PREP: variants seen among roughly 807,000 people sequenced by gnomAD.
PREP encodes dJ355L5.1 (prolyl endopeptidase).
Under a neutral mutation model 87.6 loss-of-function variants are expected in PREP, and 29 were observed. The observed-to-expected ratio is 0.33, with a 90% CI of 0.25 to 0.45. PREP has a LOEUF of 0.45. PREP is among the 20% of genes least tolerant of loss of function. PREP has a pLI of 1.00. For synonymous variants in PREP, 337 were observed against 328.6 expected (o/e 1.03, Z -0.28); for missense variants, 695 against 886.5 (o/e 0.78, Z 2.74).
At chr6:105,334,159 T>C (rs756724165) in intron 7 of PREP, among the ~76,000 whole-genome samples, 28 of 152,234 alleles carry the variant, frequency 1.8e-4, no homozygotes, top group Non-Finnish European at 3.2e-4. Flanking sequence ...AGTATCTCAA[T>C]CTTTTAAAGT....
rs377509069 is a variant in PREP at position 105,397,586 on chromosome 6, T to C, written c.120+267A>G. On this transcript the variant is annotated intron_variant, in intron 2 of 14. Transcript: ENST00000652536. Reference sequence around the variant, plus strand: ...TGGCAAAAATCAGTTTTCTTTCTGATATTTTCATTTAAAATAGCTCATCAG... The same window carrying C: ...TGGCAAAAATCAGTTTTCTTTCTGACATTTTCATTTAAAATAGCTCATCAG... Among the ~76,000 whole-genome samples, 26 of 152,340 alleles carry C rather than the reference T, an allele frequency of 1.7e-4. No homozygotes were observed. The East Asian group carries it at 3.7e-3, about 21-fold the overall frequency.
chr6:105,402,843 T>C lies in PREP; in HGVS notation c.45+4A>G. On this transcript the variant is annotated splice_donor_region_variant and intron_variant, in intron 1 of 14. Transcript: ENST00000652536. The stretch of plus-strand genomic sequence containing the variant: ...GCCCTCTGGGCGGAGGCAGAGATAC[T>C]TACGGCGGTCTCGTCGCGGTACACG... 6.5e-7 allele frequency: 1 copy of C among 1,543,328 alleles called. No individual in the cohort carries two copies. Among genetic ancestry groups the C allele is most frequent in the East Asian group, 2.4e-5 (1 of 41,502 alleles).
chr6:105,280,218 G>A (rs974151523), intron 14 of PREP, among the ~76,000 whole-genome samples: 2 of 152,156 alleles, frequency 1.3e-5, no homozygotes, highest in Non-Finnish European at 2.9e-5. Flanking sequence ...ACTGAGAACT[G>A]CTTGTACCCA....
chr6:105,311,169 C>T (rs1261859881), intron 10 of PREP, among the ~76,000 whole-genome samples: 2 of 152,230 alleles, frequency 1.3e-5, no homozygotes, highest in African/African-American at 4.8e-5. Flanking sequence ...TCTGCTCTCT[C>T]TGCTTCCTTA....
At chr6:105,402,191 T>C (rs776044862) in intron 1 of PREP, among the ~76,000 whole-genome samples, 3 of 152,098 alleles carry the variant, frequency 2.0e-5, no homozygotes, top group African/African-American at 7.2e-5. Context: ...CTCAACTCCT[T>C]TTCTTGTTTA....
chr6:105,306,724 C>T (rs971743870), intron 10 of PREP, among the ~76,000 whole-genome samples: 1 of 152,072 alleles, frequency 6.6e-6, no homozygotes, highest in South Asian at 2.1e-4. Flanking sequence ...TTCGGCTGTG[C>T]CCATGGGCTC....
intron 6 of PREP, among the ~76,000 whole-genome samples, chr6:105,354,173 C>T (rs1450378640): frequency 6.6e-6 from 1 of 151,992 alleles, no homozygotes; most frequent in Non-Finnish European, 1.5e-5. Flanking sequence ...AGAAATATAC[C>T]ACCATTAGTT....
At position 105,394,994 on chromosome 6, in the gene PREP, T is replaced by C. The variant is rs545559111; in HGVS notation, c.120+2859A>G. ...AATAGTGAAAAGTTGAAAACAATCA[T>C]TTCCAACAGAAGTCATTAGGCATAA... is the stretch of plus-strand genomic sequence containing the variant. On this transcript the variant is annotated intron_variant, in intron 2 of 14. Transcript: ENST00000652536. Among the ~76,000 whole-genome samples the C allele has an allele frequency of 1.3e-4, 20 of 152,278 alleles. No individual in the cohort carries two copies. In the South Asian group the frequency reaches 4.1e-3, roughly 32 times the overall value.
At chr6:105,340,769 A>G (rs1371505033) in intron 7 of PREP, among the ~76,000 whole-genome samples, 1 of 152,230 alleles carries the variant, frequency 6.6e-6, no homozygotes, top group East Asian at 1.9e-4. Flanking sequence ...ACTTTAAACC[A>G]ACAAAGATCA....
intron 5 of PREP, among the ~76,000 whole-genome samples, chr6:105,372,096 T>C (rs918285428): frequency 2.1e-4 from 32 of 152,212 alleles, no homozygotes; most frequent in African/African-American, 7.2e-4. Flanking sequence ...TTGTAATTCA[T>C]TGGCGAATTT....
At chr6:105,376,653 A>G (rs965732298) in intron 3 of PREP, among the ~76,000 whole-genome samples, 1 of 152,230 alleles carries the variant, frequency 6.6e-6, no homozygotes, top group East Asian at 1.9e-4. Flanking sequence ...AGGTCAGTAC[A>G]CTTTCTCTGT....
chr6:105,315,423 G>A (rs565839729), intron 10 of PREP, among the ~76,000 whole-genome samples: 1 of 152,230 alleles, frequency 6.6e-6, no homozygotes, highest in African/African-American at 2.4e-5. Context: ...CTACTGCCTT[G>A]GTCTCCTAAA....
At chr6:105,363,549 G>A (rs59505217) in intron 6 of PREP, among the ~76,000 whole-genome samples, 1 of 152,144 alleles carries the variant, frequency 6.6e-6, no homozygotes, top group African/African-American at 2.4e-5. Context: ...GGGGCACAAG[G>A]GAGCTCTTGT....
chr6:105,331,571 G>C (rs1334456292), intron 8 of PREP, among the ~76,000 whole-genome samples: 1 of 152,178 alleles, frequency 6.6e-6, no homozygotes, highest in Non-Finnish European at 1.5e-5. Flanking sequence ...AACGCATGAG[G>C]TCAGTGCATG....
In PREP at chr6:105,274,014, G is replaced by A. The variant is rs1396967098; in HGVS notation, c.*4130C>T. 6.6e-6 allele frequency among the ~76,000 whole-genome samples: 1 copy of A among 152,122 alleles called. No homozygotes were observed. Among genetic ancestry groups the A allele is most frequent in the Non-Finnish European group, 1.5e-5 (1 of 68,024 alleles). On this transcript the variant is annotated 3_prime_UTR_variant, in exon 15 of 15. Coordinates refer to ENST00000652536, the MANE Select transcript of PREP (RefSeq NM_002726.5). ...ACGGACTATTCATTTGCCCCACTTT[G>A]TTTCTTCACAGCTCTTTTTATTCCT...
rs931668933 is a variant in PREP, at chr6:105,278,689, C to T, written c.1839-251G>A. ...GAAGCTCACAGGTCTGTTGAAACAACCCAAATCACAGGCATGCTTACTGTC... is the reference window on the plus strand; with the variant it reads ...GAAGCTCACAGGTCTGTTGAAACAATCCAAATCACAGGCATGCTTACTGTC... On this transcript the variant is annotated intron_variant, in intron 14 of 14. Transcript: ENST00000652536. This position sits in a 1 kb window ranked among gnomAD's most constrained non-coding sequence, Gnocchi z 4.2. 1.6e-4 allele frequency among the ~76,000 whole-genome samples: 25 copies of T among 151,946 alleles called. No individual in the cohort carries two copies. Among genetic ancestry groups the T allele is most frequent in the African/African-American group, 5.5e-4 (23 of 41,442 alleles).
At position 105,305,031 on chromosome 6, in the gene PREP, C is replaced by T. The variant is rs139530698; in HGVS notation, c.1318-16137G>A. Among the ~76,000 whole-genome samples, 348 of 152,284 alleles carry T rather than the reference C, an allele frequency of 2.3e-3. 1 individual carries two copies. The highest frequency in any genetic ancestry group is 7.9e-3 in the African/African-American group (327 of 41,560). Reference sequence around the variant, plus strand: ...TATGGTAATTTGCTGCATGAGATTGCACCTGCATAATAAAAACCCAACAAG... The same window carrying T: ...TATGGTAATTTGCTGCATGAGATTGTACCTGCATAATAAAAACCCAACAAG... On this transcript the variant is annotated intron_variant, in intron 10 of 14. Coordinates refer to ENST00000652536, the MANE Select transcript of PREP (RefSeq NM_002726.5).
At chr6:105,320,031 CAT>C (rs1325090072) in intron 10 of PREP, among the ~76,000 whole-genome samples, 1 of 152,312 alleles carries the variant, frequency 6.6e-6, no homozygotes, top group East Asian at 1.9e-4. Flanking sequence ...TAAAATGAAA[CAT>C]ATTGCTGACT....
chr6:105,317,316 T>G (rs1583051590), intron 10 of PREP, among the ~76,000 whole-genome samples: 1 of 152,090 alleles, frequency 6.6e-6, no homozygotes, highest in East Asian at 1.9e-4. Context: ...ATAACTTATC[T>G]TGATAACAAA....
Sources: allele counts gnomAD v4.1 joint callset (sites outside exome capture counted in the v4.1 genomes callset), GRCh38; gene constraint gnomAD v4.1.1; non-coding constraint Gnocchi (gnomAD v3.1); transcripts MANE v1.5; gene names NCBI Gene and HGNC (gene_info 2026-07-23, HGNC 2026-07-21).